The following SLC5A11 variants were observed in gnomAD, a reference collection of about 807,000 sequenced individuals.
The protein encoded by SLC5A11 is sodium/myo-inositol cotransporter 2.
SLC5A11 carries 48 observed loss-of-function variants against 69.8 expected under a neutral mutation model. The observed-to-expected ratio is 0.69, with a 90% CI of 0.55 to 0.87. SLC5A11 has a LOEUF of 0.87. Ranked by LOEUF, SLC5A11 falls within the 40% of genes least tolerant of loss-of-function variation. SLC5A11 has a pLI of 0.00. For synonymous variants in SLC5A11, 319 were observed against 342.4 expected (o/e 0.93, Z 0.75); for missense variants, 784 against 866.1 (o/e 0.91, Z 1.19).
At chr16:24,907,835 A>T in intron 12 of SLC5A11, 128 bp from the exon 14 acceptor site, 1 of 1,206,902 alleles carries the variant, frequency 8.3e-7, no homozygotes, top group Non-Finnish European at 1.2e-6. Flanking sequence ...GCAGTGAGCT[A>T]TGCTCTCACC....
At chr16:24,909,643 CAAAAAAAA>C (rs35334841) in intron 14 of SLC5A11, among the ~76,000 whole-genome samples, 12 of 48,910 alleles carry the variant, frequency 2.5e-4, no homozygotes, top group East Asian at 7.2e-4. Flanking sequence ...CCCTGTCTCA[CAAAAAAAA>C]AAAAAAAAAA....
At chr16:24,882,875 A>C (rs1379980008) in intron 7 of SLC5A11, among the ~76,000 whole-genome samples, 1 of 152,030 alleles carries the variant, frequency 6.6e-6, no homozygotes, top group Non-Finnish European at 1.5e-5. Flanking sequence ...TGAACCCCTA[A>C]CCTCAGGTGA....
At chr16:24,906,862 T>A in intron 11 of SLC5A11, 98 bp downstream of exon 12, 1 of 1,391,472 alleles carries the variant, frequency 7.2e-7, no homozygotes, top group Non-Finnish European at 9.9e-7. Context: ...AAAGGAGGGC[T>A]GGTGGGGGAG....
chr16:24,862,986 A>T (rs1316144382), intron 3 of SLC5A11, among the ~76,000 whole-genome samples: 1 of 113,020 alleles, frequency 8.8e-6, no homozygotes, highest in African/African-American at 5.2e-5. Context: ...TAATTATATA[A>T]TATATAATCA....
chr16:24,852,830 G>T (rs750417857), intron 1 of SLC5A11, among the ~76,000 whole-genome samples: 2 of 151,472 alleles, frequency 1.3e-5, no homozygotes, highest in Non-Finnish European at 2.9e-5. Flanking sequence ...CACAGAGCAT[G>T]GCACATAGCT....
At chr16:24,848,279 TA>T (rs2059116111) in intron 1 of SLC5A11, among the ~76,000 whole-genome samples, 1 of 152,112 alleles carries the variant, frequency 6.6e-6, no homozygotes, top group African/African-American at 2.4e-5. Flanking sequence ...GACTCATACT[TA>T]AAGATTTCTC....
chr16:24,869,494 G>C (rs2047137794), intron 3 of SLC5A11, among the ~76,000 whole-genome samples: 2 of 152,170 alleles, frequency 1.3e-5, no homozygotes, highest in African/African-American at 2.4e-5. Context: ...ACTTTGATAA[G>C]TAAGAAGCAG....
chr16:24,854,434 T>A (rs967059035), intron 1 of SLC5A11, among the ~76,000 whole-genome samples: 4 of 151,900 alleles, frequency 2.6e-5, no homozygotes, highest in African/African-American at 9.7e-5. Flanking sequence ...AGTAAAGTTT[T>A]TTTTTTTTTT....
At chr16:24,869,117 C>T (rs2047112246) in intron 3 of SLC5A11, among the ~76,000 whole-genome samples, 1 of 152,120 alleles carries the variant, frequency 6.6e-6, no homozygotes, top group Admixed American at 6.6e-5. Flanking sequence ...ATCCGCCTGC[C>T]TCAGCCTCCC....
intron 6 of SLC5A11, among the ~76,000 whole-genome samples, chr16:24,876,041 C>T (rs765013546): frequency 4.0e-5 from 6 of 151,742 alleles, no homozygotes; most frequent in African/African-American, 1.5e-4. Flanking sequence ...CCAGAAAATA[C>T]GAAAATTAGC....
intron 10 of SLC5A11, among the ~76,000 whole-genome samples, chr16:24,904,771 ATTTTTATTTT>A (rs1459938875): frequency 2.0e-5 from 3 of 152,128 alleles, no homozygotes; most frequent in African/African-American, 7.2e-5. Context: ...AATGGCACAT[ATTTTTATTTT>A]TTCATTAAAC....
At chr16:24,889,313 C>T (rs1044919031) in intron 8 of SLC5A11, among the ~76,000 whole-genome samples, 2 of 151,932 alleles carry the variant, frequency 1.3e-5, no homozygotes, top group African/African-American at 4.8e-5. Context: ...TGAGATCCAT[C>T]TCTACAAAAA....
intron 7 of SLC5A11, among the ~76,000 whole-genome samples, chr16:24,878,053 T>C (rs2152324402): frequency 6.6e-6 from 1 of 151,878 alleles, no homozygotes; most frequent in Non-Finnish European, 1.5e-5. Context: ...CTCAGGAGGC[T>C]GAGGCAGGAG....
intron 9 of SLC5A11, among the ~76,000 whole-genome samples, chr16:24,892,844 C>T (rs1242984632): frequency 6.6e-6 from 1 of 152,066 alleles, no homozygotes; most frequent in Non-Finnish European, 1.5e-5. Flanking sequence ...AGCTAAGGAC[C>T]AAGGCAGTGA....
At chr16:24,897,985 G>T (rs2049298672) in exon 10 of SLC5A11, 2 of 1,614,060 alleles carry the variant, frequency 1.2e-6, no homozygotes, top group East Asian at 4.5e-5. Flanking sequence ...TGATTGTCCA[G>T]CGGACTCTGG....
At chr16:24,895,461 C>A (rs1291106414) in intron 9 of SLC5A11, among the ~76,000 whole-genome samples, 4 of 150,664 alleles carry the variant, frequency 2.7e-5, no homozygotes, top group African/African-American at 9.8e-5. Flanking sequence ...TGTACTCCAA[C>A]CTGGATGACA....
At chr16:24,849,971 T>C (rs2059228500) in intron 1 of SLC5A11, among the ~76,000 whole-genome samples, 1 of 152,068 alleles carries the variant, frequency 6.6e-6, no homozygotes, top group Non-Finnish European at 1.5e-5. Flanking sequence ...TTATCTATTA[T>C]TTGAGACAGG....
chr16:24,868,524 G>A (rs1387008757), intron 3 of SLC5A11, among the ~76,000 whole-genome samples: 1 of 151,030 alleles, frequency 6.6e-6, no homozygotes, highest in Non-Finnish European at 1.5e-5. Context: ...GCATGAACCT[G>A]GGGGATGGAG....
At chr16:24,884,940 G>A (rs369380765) in intron 8 of SLC5A11, among the ~76,000 whole-genome samples, 7 of 151,020 alleles carry the variant, frequency 4.6e-5, no homozygotes, top group Admixed American at 1.3e-4. Context: ...ATGGGGTTTC[G>A]TCATGTTGCC....
Sources: gnomAD v4.1 joint callset for allele counts (sites outside exome capture counted in the v4.1 genomes callset) on GRCh38, gnomAD v4.1.1 for gene constraint, MANE v1.5 for transcripts, NCBI Gene and HGNC (gene_info 2026-07-23, HGNC 2026-07-21) for gene names.